The following ULK4 variants were observed in gnomAD, a reference collection of about 807,000 sequenced individuals.
ULK4 encodes the protein unc-51 like kinase 4, also known as inactive serine/threonine-protein kinase ULK4.
ULK4 carries 133 observed loss-of-function variants against 160.6 expected under a neutral mutation model. The observed-to-expected ratio is 0.83, with a 90% confidence interval of 0.72 to 0.96. The LOEUF (loss-of-function observed/expected upper bound fraction) is 0.96, where lower values mean the gene tolerates loss of function less well. ULK4 is among the 40% of genes least tolerant of loss of function. The pLI is 0.00. For missense variants in ULK4, 1,580 were observed against 1,499.5 expected (o/e 1.05, Z -0.89); for synonymous variants, 534 against 539.8 (o/e 0.99, Z 0.15).
chr3:41,565,249 A>T (rs1034220103), intron 32 of ULK4, among the ~76,000 whole-genome samples: 46 of 152,350 alleles, frequency 3.0e-4, no homozygotes, highest in African/African-American at 1.0e-3. Context: ...TGATTTTTAG[A>T]ATTTTAACAG....
chr3:41,891,345 G>C (rs1697954236), intron 16 of ULK4, among the ~76,000 whole-genome samples: 1 of 136,228 alleles, frequency 7.3e-6, no homozygotes, highest in Non-Finnish European at 1.6e-5. Flanking sequence ...CGGGACTGGA[G>C]GGAGGGAGGG....
chr3:41,667,597 G>A (rs995252487), intron 29 of ULK4, among the ~76,000 whole-genome samples: 3 of 152,024 alleles, frequency 2.0e-5, no homozygotes, highest in Admixed American at 2.0e-4. Context: ...GTGAAGAGCT[G>A]GCCCATTCTG....
At chr3:41,697,965 C>T (rs949352592) in intron 27 of ULK4, among the ~76,000 whole-genome samples, 9 of 152,286 alleles carry the variant, frequency 5.9e-5, no homozygotes, top group South Asian at 4.1e-4. Flanking sequence ...AAAGGTGTAA[C>T]ATTTATCTTT....
chr3:41,533,869 G>A (rs879646444), intron 32 of ULK4, among the ~76,000 whole-genome samples: 45 of 152,152 alleles, frequency 3.0e-4, no homozygotes, highest in Admixed American at 2.6e-4. Flanking sequence ...CTGCAGTGGC[G>A]CGATCTTGGC....
intron 32 of ULK4, among the ~76,000 whole-genome samples, chr3:41,486,240 T>G (rs1204447987): frequency 6.6e-6 from 1 of 152,206 alleles, no homozygotes; most frequent in Admixed American, 6.5e-5. Flanking sequence ...CACCTAGCCT[T>G]GCACAGCCCC....
At chr3:41,733,510 T>C (rs1279293811) in intron 22 of ULK4, among the ~76,000 whole-genome samples, 2 of 152,144 alleles carry the variant, frequency 1.3e-5, no homozygotes, top group African/African-American at 4.8e-5. Context: ...TCCAAACCAG[T>C]ACATTATCTT....
rs114690643 is a variant in ULK4 at position 41,769,042 on chromosome 3, A to G, written c.2194-14554T>C. 4.5e-3 allele frequency among the ~76,000 whole-genome samples: 678 copies of G among 152,334 alleles called. 7 individuals carry two copies. The highest frequency in any genetic ancestry group is 0.015 in the African/African-American group (640 of 41,576). On this transcript the variant is annotated intron_variant, in intron 21 of 36. Coordinates refer to ENST00000301831, the MANE Select transcript of ULK4 (RefSeq NM_017886.4). ...CTATACTAATAATCTTGCAAAATTA[A>G]AATAGTATGCTTATGATTTAGGGTG... is the stretch of plus-strand genomic sequence containing the variant.
intron 35 of ULK4, among the ~76,000 whole-genome samples, chr3:41,291,295 A>G (rs2079556220): frequency 1.3e-5 from 2 of 151,322 alleles, no homozygotes; most frequent in Admixed American, 6.6e-5. Flanking sequence ...AGAGATAAGT[A>G]TAAGAGGAAA....
intron 32 of ULK4, among the ~76,000 whole-genome samples, chr3:41,490,240 A>G (rs1344150337): frequency 3.3e-5 from 5 of 152,150 alleles, no homozygotes; most frequent in African/African-American, 4.8e-5. Context: ...AACATCATTG[A>G]CATAATGTTC....
chr3:41,312,680 C>T (rs887138415), intron 35 of ULK4, among the ~76,000 whole-genome samples: 5 of 151,832 alleles, frequency 3.3e-5, no homozygotes, highest in African/African-American at 1.2e-4. Context: ...AACATTAGCA[C>T]ACCTGTAGTC....
intron 1 of ULK4, among the ~76,000 whole-genome samples, chr3:41,957,722 A>T (rs1238811816): frequency 6.6e-6 from 1 of 151,772 alleles, no homozygotes; most frequent in Non-Finnish European, 1.5e-5. Flanking sequence ...CAGAAAAAAA[A>T]AAAAAATTAA....
chr3:41,523,944 A>G (rs2086021849), intron 32 of ULK4, among the ~76,000 whole-genome samples: 1 of 152,250 alleles, frequency 6.6e-6, no homozygotes, highest in African/African-American at 2.4e-5. Flanking sequence ...AAATTATGCA[A>G]TCAAATGAAA....
At chr3:41,930,619 C>A (rs1699558650) in intron 5 of ULK4, among the ~76,000 whole-genome samples, 2 of 152,054 alleles carry the variant, frequency 1.3e-5, no homozygotes, top group African/African-American at 2.4e-5. Flanking sequence ...CCAGAGTCTA[C>A]AAGAAATTTA....
Position 41,776,635 on chromosome 3 carries a change from T to C in ULK4, c.2193+13026A>G, listed in dbSNP as rs947955524. ...TATTGAAAGTTTTTAGCATGAAGGG[T>C]TGTTGAATTTTGTCAAAGGCTTTTT... On this transcript the variant is annotated intron_variant, in intron 21 of 36. Transcript: ENST00000301831. Among the ~76,000 whole-genome samples, 79 of 142,190 alleles carry C rather than the reference T, an allele frequency of 5.6e-4. 10 individuals are homozygous for C. The highest frequency in any genetic ancestry group is 6.3e-4 in the Admixed American group (9 of 14,320). 93.3% of individuals were successfully genotyped at this position (142,190 alleles called of 152,430 possible). A position where few individuals can be genotyped will look rare whatever the true frequency, so the allele number is the denominator to read the frequency against.
At chr3:41,908,401 G>A (rs956322258) in intron 11 of ULK4, among the ~76,000 whole-genome samples, 1 of 151,988 alleles carries the variant, frequency 6.6e-6, no homozygotes, top group Admixed American at 6.6e-5. Context: ...CTGCCATACC[G>A]TATGGGCCAC....
chr3:41,561,124 T>C (rs1285789804), intron 32 of ULK4, among the ~76,000 whole-genome samples: 3 of 152,226 alleles, frequency 2.0e-5, no homozygotes, highest in Non-Finnish European at 2.9e-5. Context: ...GAGATAATCA[T>C]GTGGTTTTTG....
intron 17 of ULK4, among the ~76,000 whole-genome samples, chr3:41,858,363 G>A (rs980953717): frequency 7.3e-5 from 11 of 151,446 alleles, no homozygotes; most frequent in Non-Finnish European, 1.5e-4. Context: ...TGTTGGCCAG[G>A]CTGGTCTCCA....
At chr3:41,578,627 T>C (rs1388755932) in intron 31 of ULK4, among the ~76,000 whole-genome samples, 1 of 152,192 alleles carries the variant, frequency 6.6e-6, no homozygotes, top group Non-Finnish European at 1.5e-5. Context: ...GCAGTATTAA[T>C]GTAGGTGAAT....
chr3:41,494,846 TA>T (rs2084927418), intron 32 of ULK4, among the ~76,000 whole-genome samples: 1 of 151,990 alleles, frequency 6.6e-6, no homozygotes, highest in African/African-American at 2.4e-5. Context: ...TCAAAGAGAA[TA>T]AAATACTTAG....
Sources: gnomAD v4.1 joint callset for allele counts (sites outside exome capture counted in the v4.1 genomes callset) on GRCh38, gnomAD v4.1.1 for gene constraint, MANE v1.5 for transcripts, NCBI Gene and HGNC (gene_info 2026-07-23, HGNC 2026-07-21) for gene names.